The following C12orf56 variants were observed in gnomAD, a reference collection of about 807,000 sequenced individuals.
C12orf56 encodes the protein chromosome 12 open reading frame 56.
Under a neutral mutation model 69.9 loss-of-function variants are expected in C12orf56, and 71 were observed. That is an observed-to-expected ratio of 1.02 (90% CI 0.84 to 1.24). The LOEUF (loss-of-function observed/expected upper bound fraction) is 1.24. Among genes scored for constraint, C12orf56 ranks in the 50% most tolerant of loss-of-function variants. The pLI is 0.00. For missense variants in C12orf56, 732 were observed against 738.5 expected (o/e 0.99, Z 0.10); for synonymous variants, 276 against 274.1 (o/e 1.01, Z -0.07).
chr12:64,390,397 C>A lies in C12orf56; in HGVS notation c.169G>T (p.Asp57Tyr), dbSNP rs1240884701. The A allele has an allele frequency of 2.5e-6, 4 of 1,613,194 alleles. No homozygotes were observed. Among genetic ancestry groups the A allele is most frequent in the African/African-American group, 2.7e-5 (2 of 74,928 alleles). The change falls in exon 1 of 13, where the codon GAC (aspartate) becomes TAC (tyrosine). Residue 57 changes from aspartate (D) to tyrosine (Y), a missense_variant. Physicochemically the swap from Asp to Tyr is radical, Grantham distance 160. Coordinates refer to ENST00000543942, the MANE Select transcript of C12orf56 (RefSeq NM_001170633.2). ...TTCTCGGTTAGGTAGACGAGCCGGT[C>A]GCTTAGCACCACATACTTGAGGATG... ...NHILKYVVLS[D>Y]RLVYLTENPP...
chr12:64,349,764 T>C (rs2039196155), intron 2 of C12orf56, among the ~76,000 whole-genome samples: 1 of 152,114 alleles, frequency 6.6e-6, no homozygotes. Flanking sequence ...TTCACTGATT[T>C]GTGGTAGCTA....
At chr12:64,284,822 T>A in intron 7 of C12orf56, 69 bp from the exon 8 acceptor site, 1 of 1,243,434 alleles carries the variant, frequency 8.0e-7, no homozygotes. Context: ...TCCACAAAAG[T>A]AGTAATTTTT....
chr12:64,309,117 A>G (rs2038572992), intron 5 of C12orf56, among the ~76,000 whole-genome samples: 1 of 152,214 alleles, frequency 6.6e-6, no homozygotes, highest in Non-Finnish European at 1.5e-5. Context: ...ACTTTTTAAA[A>G]AAATTGAACT....
intron 11 of C12orf56, among the ~76,000 whole-genome samples, chr12:64,272,362 A>G (rs5015813): frequency 0.99 from 149,794 of 151,996 alleles, 73,849 homozygotes; most frequent in Middle Eastern, 1. Context: ...AAAATTAGCC[A>G]GTCGTGGTGG....
At chr12:64,276,474 A>T (rs4763148) in intron 9 of C12orf56, among the ~76,000 whole-genome samples, 92 of 152,138 alleles carry the variant, frequency 6.0e-4, no homozygotes, top group Middle Eastern at 3.4e-3. Context: ...TGCCTATCTG[A>T]GTCTTGGTTC....
chr12:64,351,849 A>G (rs1048819577), intron 2 of C12orf56, among the ~76,000 whole-genome samples: 1 of 144,960 alleles, frequency 6.9e-6, no homozygotes, highest in Non-Finnish European at 1.5e-5. Context: ...AAATGCAACC[A>G]GAAACCCTGG....
chr12:64,318,481 C>T, intron 4 of C12orf56, 94 bp downstream of exon 4: 4 of 1,118,358 alleles, frequency 3.6e-6, no homozygotes, highest in South Asian at 1.8e-5. Context: ...GCTAAATTTC[C>T]AAAATGGGAG....
intron 12 of C12orf56, among the ~76,000 whole-genome samples, chr12:64,269,804 G>T (rs1462873346): frequency 6.6e-6 from 1 of 151,734 alleles, no homozygotes; most frequent in Non-Finnish European, 1.5e-5. Flanking sequence ...GCTCAGCCTG[G>T]TCTCAAACTC....
At chr12:64,328,643 G>A (rs1365822647) in intron 3 of C12orf56, among the ~76,000 whole-genome samples, 1 of 123,248 alleles carries the variant, frequency 8.1e-6, no homozygotes, top group East Asian at 2.4e-4. Flanking sequence ...TCGAGCCACT[G>A]CACTCCAGCC....
chr12:64,372,831 C>T (rs115478883), intron 1 of C12orf56, among the ~76,000 whole-genome samples: 5,949 of 152,082 alleles, frequency 0.039, 382 homozygotes, highest in African/African-American at 0.14. Context: ...TACTAAGTCC[C>T]TATTTGAGTT....
At chr12:64,344,183 T>A (rs942705006) in intron 2 of C12orf56, among the ~76,000 whole-genome samples, 8 of 152,152 alleles carry the variant, frequency 5.3e-5, no homozygotes, top group Non-Finnish European at 8.8e-5. Flanking sequence ...GTCACAGGTC[T>A]CCTGGGGGAA....
chr12:64,335,527 C>G (rs1252963551), intron 2 of C12orf56, among the ~76,000 whole-genome samples: 1 of 151,526 alleles, frequency 6.6e-6, no homozygotes, highest in Non-Finnish European at 1.5e-5. Context: ...CCTCTTTCAT[C>G]TCAATGTGAA....
intron 5 of C12orf56, among the ~76,000 whole-genome samples, chr12:64,309,495 TTTTG>T (rs139454399): frequency 0.53 from 80,625 of 151,168 alleles, 22,245 homozygotes; most frequent in Middle Eastern, 0.73. Flanking sequence ...CACACTGTTT[TTTTG>T]TTTGTTTGTT....
chr12:64,274,997 A>T, intron 10 of C12orf56, 22 bp from the exon 11 acceptor site: 1 of 1,569,314 alleles, frequency 6.4e-7, no homozygotes, highest in Non-Finnish European at 8.8e-7. Flanking sequence ...AAGGAAATAA[A>T]CAAGTTATAT....
At chr12:64,367,736 C>T (rs898816490) in intron 1 of C12orf56, among the ~76,000 whole-genome samples, 1 of 146,856 alleles carries the variant, frequency 6.8e-6, no homozygotes, top group African/African-American at 2.4e-5. Context: ...ACTCTTGACC[C>T]CAAGCGATCC....
At chr12:64,339,124 G>A (rs1017711478) in intron 2 of C12orf56, among the ~76,000 whole-genome samples, 5 of 151,982 alleles carry the variant, frequency 3.3e-5, no homozygotes, top group Admixed American at 6.6e-5. Flanking sequence ...CAGGCCTGTC[G>A]GCTTCTTTGG....
At chr12:64,277,632 C>CTG (rs2038068552) in intron 9 of C12orf56, 48 bp downstream of exon 9, 1 of 936,700 alleles carries the variant, frequency 1.1e-6, no homozygotes, top group Non-Finnish European at 1.4e-6. Flanking sequence ...GCCAGGGCCC[C>CTG]TATATATATA....
At chr12:64,293,480 C>T (rs1456654257) in intron 6 of C12orf56, 1 of 152,142 alleles carries the variant, frequency 6.6e-6, no homozygotes, top group Non-Finnish European at 1.5e-5. Flanking sequence ...ACTTATACTC[C>T]CTGTCGCTCA....
intron 2 of C12orf56, among the ~76,000 whole-genome samples, chr12:64,346,846 G>A (rs1261836599): frequency 6.6e-6 from 1 of 152,156 alleles, no homozygotes; most frequent in Non-Finnish European, 1.5e-5. Context: ...CAGAAGCTCT[G>A]TGTGAGGAAC....
Sources: gnomAD v4.1 joint callset for allele counts (sites outside exome capture counted in the v4.1 genomes callset) on GRCh38, gnomAD v4.1.1 for gene constraint, MANE v1.5 for transcripts, NCBI Gene and HGNC (gene_info 2026-07-23, HGNC 2026-07-21) for gene names.